Variants in GMDS observed in about 807,000 individuals in gnomAD.
GMDS encodes GDP-mannose 4,6-dehydratase.
Under a neutral mutation model 49.9 loss-of-function variants are expected in GMDS, and 20 were observed. The ratio of observed to expected loss-of-function variants is 0.40; its 90% CI spans 0.28 to 0.58. GMDS has a LOEUF of 0.58. Ranked by LOEUF, GMDS falls within the 20% of genes least tolerant of loss-of-function variation. GMDS has a pLI of 0.42. For synonymous variants in GMDS, 177 were observed against 178.6 expected, an observed-to-expected ratio of 0.99 and a Z score of 0.07; for missense variants, 362 against 481.4, an observed-to-expected ratio of 0.75 and a Z score of 2.32.
chr6:2,138,191 A>G (rs1776104916), intron 1 of GMDS, among the ~76,000 whole-genome samples: 1 of 152,226 alleles, frequency 6.6e-6, no homozygotes, highest in African/African-American at 2.4e-5. Context: ...GTCTGTATTA[A>G]TCGGACAATG....
At chr6:2,210,988 T>G (rs1561660536) in intron 1 of GMDS, among the ~76,000 whole-genome samples, 1 of 152,224 alleles carries the variant, frequency 6.6e-6, no homozygotes, top group South Asian at 2.1e-4. Flanking sequence ...CTGTTTCTTC[T>G]GATGCCATGT....
intron 2 of GMDS, among the ~76,000 whole-genome samples, chr6:2,121,166 T>C (rs994488481): frequency 6.6e-6 from 1 of 152,166 alleles, no homozygotes. Context: ...AGCCTGAGGC[T>C]CCTTTGCCAC....
intron 1 of GMDS, among the ~76,000 whole-genome samples, chr6:2,157,817 G>A (rs1335246737): frequency 6.6e-6 from 1 of 152,142 alleles, no homozygotes; most frequent in African/African-American, 2.4e-5. Flanking sequence ...ACAATTATAT[G>A]TTTCAGCCTA....
chr6:1,707,222 G>A lies in GMDS; in HGVS notation c.987+19194C>T, dbSNP rs150996734. On this transcript the variant is annotated intron_variant, in intron 9 of 10. Transcript: ENST00000380815. ...TCTCCATTGTGCTCACCAGAACCAC[G>A]TCTCTGCTAACCATACTTTTTAATG... 3.0e-3 allele frequency among the ~76,000 whole-genome samples: 453 copies of A among 152,272 alleles called. 1 individual carries two copies. Among genetic ancestry groups the A allele is most frequent in the Non-Finnish European group, 4.8e-3 (328 of 68,024 alleles).
intron 1 of GMDS, among the ~76,000 whole-genome samples, chr6:2,200,194 G>A (rs1027953586): frequency 3.3e-5 from 5 of 152,150 alleles, no homozygotes; most frequent in Admixed American, 6.5e-5. Flanking sequence ...GGACACAGAC[G>A]AGAAACAAAT....
intron 4 of GMDS, among the ~76,000 whole-genome samples, chr6:2,027,944 A>C (rs1479302672): frequency 6.6e-6 from 1 of 152,050 alleles, no homozygotes; most frequent in Non-Finnish European, 1.5e-5. Flanking sequence ...ACACTTTTGG[A>C]CTCTTAAAAA....
intron 1 of GMDS, among the ~76,000 whole-genome samples, chr6:2,209,058 T>C (rs1779941384): frequency 6.6e-6 from 1 of 152,232 alleles, no homozygotes; most frequent in African/African-American, 2.4e-5. Context: ...TAACAGCACA[T>C]GGTTAAGTGT....
chr6:2,001,528 G>A (rs1258030201), intron 4 of GMDS, among the ~76,000 whole-genome samples: 1 of 151,956 alleles, frequency 6.6e-6, no homozygotes, highest in Non-Finnish European at 1.5e-5. Flanking sequence ...CTTACATTAG[G>A]TTTTTGAAAC....
rs148809398 is a variant in GMDS at position 1,779,332 on chromosome 6, G to A, written c.772-36746C>T. Among the ~76,000 whole-genome samples, 94 of 152,284 alleles carry A rather than the reference G, an allele frequency of 6.2e-4. 1 individual carries two copies. The East Asian group carries it at 0.015, about 24-fold the overall frequency. On this transcript the variant is annotated intron_variant, in intron 7 of 10. Coordinates refer to ENST00000380815, the MANE Select transcript of GMDS (RefSeq NM_001500.4). ...GGGGAAGTATCCTGCTTCTGGAGCT[G>A]GAAGTGCTCCTGTGGCATCCTGATG... is the stretch of plus-strand genomic sequence containing the variant.
intron 9 of GMDS, among the ~76,000 whole-genome samples, chr6:1,670,443 T>A (rs566643594): frequency 6.6e-6 from 1 of 151,440 alleles, no homozygotes; most frequent in Non-Finnish European, 1.5e-5. Flanking sequence ...ATGTAACACA[T>A]GCTGGAATGT....
In GMDS at chr6:1,633,109, G is replaced by A. The variant is rs742555; in HGVS notation, c.988-8569C>T. 6.3e-3 allele frequency among the ~76,000 whole-genome samples: 961 copies of A among 152,290 alleles called. 7 individuals are homozygous for A. Among genetic ancestry groups the A allele is most frequent in the Non-Finnish European group, 8.7e-3 (589 of 68,030 alleles). On this transcript the variant is annotated intron_variant, in intron 9 of 10. Transcript: ENST00000380815. ...ATTCATCCTATACAGGCTTTCCATT[G>A]AGGCTATTATTTATCACTAAAATGT...
chr6:1,774,568 G>A (rs1768717032), intron 7 of GMDS, among the ~76,000 whole-genome samples: 1 of 152,208 alleles, frequency 6.6e-6, no homozygotes, highest in Non-Finnish European at 1.5e-5. Flanking sequence ...GTGTAAATGT[G>A]CAGACACACA....
At chr6:1,716,635 C>T (rs1299173818) in intron 9 of GMDS, among the ~76,000 whole-genome samples, 1 of 152,162 alleles carries the variant, frequency 6.6e-6, no homozygotes, top group Non-Finnish European at 1.5e-5. Flanking sequence ...GTGATATTGG[C>T]TCTACCAGCC....
At chr6:1,883,808 T>A (rs1450961775) in intron 7 of GMDS, among the ~76,000 whole-genome samples, 1 of 152,198 alleles carries the variant, frequency 6.6e-6, no homozygotes, top group Admixed American at 6.5e-5. Flanking sequence ...CATTTAAATA[T>A]ATCTAAAAGG....
intron 4 of GMDS, among the ~76,000 whole-genome samples, chr6:2,065,520 G>GA (rs1286243877): frequency 5.3e-5 from 8 of 152,150 alleles, no homozygotes; most frequent in East Asian, 3.9e-4. Flanking sequence ...TGAAAACTTT[G>GA]AAAAAAATTT....
At chr6:2,233,092 C>A (rs947974658) in intron 1 of GMDS, among the ~76,000 whole-genome samples, 1 of 152,106 alleles carries the variant, frequency 6.6e-6, no homozygotes, top group South Asian at 2.1e-4. Context: ...GGTACGACCT[C>A]GTAAATGTAC....
chr6:2,109,522 T>C (rs1007960279), intron 4 of GMDS, among the ~76,000 whole-genome samples: 4 of 152,182 alleles, frequency 2.6e-5, no homozygotes, highest in African/African-American at 9.7e-5. Context: ...ATAAAAAGGC[T>C]AAGTGCCCTC....
At chr6:2,113,668 C>A (rs1466642988) in intron 4 of GMDS, among the ~76,000 whole-genome samples, 1 of 152,070 alleles carries the variant, frequency 6.6e-6, no homozygotes, top group Non-Finnish European at 1.5e-5. Flanking sequence ...CCATCTACCC[C>A]CAGACGGAAG....
chr6:1,763,688 G>A (rs1292511372), intron 7 of GMDS, among the ~76,000 whole-genome samples: 1 of 152,190 alleles, frequency 6.6e-6, no homozygotes, highest in Non-Finnish European at 1.5e-5. Context: ...TTTCCGGTTT[G>A]CCCAGGGGGA....
Sources: allele counts gnomAD v4.1 joint callset (sites outside exome capture counted in the v4.1 genomes callset), GRCh38; gene constraint gnomAD v4.1.1; transcripts MANE v1.5; gene names NCBI Gene and HGNC (gene_info 2026-07-23, HGNC 2026-07-21).